SPATA13: variants seen among roughly 807,000 people sequenced by gnomAD.
The protein encoded by SPATA13 is spermatogenesis-associated protein 13.
Under a neutral mutation model 104.0 loss-of-function variants are expected in SPATA13, and 50 were observed. The ratio of observed to expected loss-of-function variants is 0.48; its 90% CI spans 0.38 to 0.61. The LOEUF (loss-of-function observed/expected upper bound fraction) is 0.61, where lower values mean the gene tolerates loss of function less well. SPATA13 is among the 20% of genes least tolerant of loss of function. SPATA13 has a pLI of 0.00. For synonymous variants in SPATA13, 606 were observed against 667.5 expected, an observed-to-expected ratio of 0.91 and a Z score of 1.42; for missense variants, 1,524 against 1,690.6, an observed-to-expected ratio of 0.90 and a Z score of 1.73.
chr13:24,037,064 G>A (rs1877709986), intron 3 of SPATA13, among the ~76,000 whole-genome samples: 1 of 151,884 alleles, frequency 6.6e-6, no homozygotes, highest in Non-Finnish European at 1.5e-5. Context: ...ATGAGCCATC[G>A]TGCCTGGCTG....
chr13:24,239,087 G>A (rs1872710264), intron 2 of SPATA13, among the ~76,000 whole-genome samples: 1 of 152,164 alleles, frequency 6.6e-6, no homozygotes, highest in Admixed American at 6.5e-5. Context: ...ATTAATAAAA[G>A]TATAGAAGCT....
intron 4 of SPATA13, chr13:24,270,725 T>A: frequency 6.5e-7 from 1 of 1,538,730 alleles, no homozygotes; most frequent in Non-Finnish European, 8.8e-7. Flanking sequence ...GCATACAACG[T>A]CAAAGCAGTG....
chr13:24,033,145 G>A (rs142788668), intron 3 of SPATA13, among the ~76,000 whole-genome samples: 119 of 152,300 alleles, frequency 7.8e-4, no homozygotes, highest in African/African-American at 2.8e-3. Context: ...GACCTGCAAG[G>A]TTTGAGTATC....
intron 3 of SPATA13, among the ~76,000 whole-genome samples, chr13:24,084,343 C>T (rs758711090): frequency 2.2e-4 from 33 of 152,122 alleles, no homozygotes; most frequent in Admixed American, 9.2e-4. Flanking sequence ...GAGCTGAGCC[C>T]GCGCATGATG....
At chr13:24,039,333 T>G (rs148447815) in intron 3 of SPATA13, among the ~76,000 whole-genome samples, 1 of 152,222 alleles carries the variant, frequency 6.6e-6, no homozygotes. Context: ...TTGCAGACTT[T>G]CGTGGCAGGA....
At chr13:24,136,379 G>C (rs1881567404) in intron 3 of SPATA13, among the ~76,000 whole-genome samples, 1 of 152,138 alleles carries the variant, frequency 6.6e-6, no homozygotes, top group Admixed American at 6.5e-5. Flanking sequence ...GGGAGGCTGG[G>C]GCAGGAGAAC....
In SPATA13 at chr13:24,290,747, T is replaced by G; in HGVS notation, c.2943T>G (p.His981Gln). Residue 981 changes from histidine to glutamine, a missense_variant, in exon 9 of 13, where the codon CAT becomes CAG. This residue lies in a region of SPATA13 where 435 missense variants were observed against 554.8 expected (regional missense o/e 0.78). Coordinates refer to ENST00000382108, the MANE Select transcript of SPATA13 (RefSeq NM_001166271.3). Reference sequence around the variant, plus strand: ...TCATGAAGCAGGGCAAGTACAGACATTTCTTTGAAGCCTGCCGCCTGCTGC... The same window carrying G: ...TCATGAAGCAGGGCAAGTACAGACAGTTCTTTGAAGCCTGCCGCCTGCTGC... ...ANLMKQGKYR[H>Q]FFEACRLLQQ... 3 of 1,614,188 alleles carry G rather than the reference T, an allele frequency of 1.9e-6. No individual in the cohort carries two copies. The highest frequency in any genetic ancestry group is 2.5e-6 in the Non-Finnish European group (3 of 1,180,030).
In SPATA13 at chr13:24,113,083, C is replaced by T. The variant is rs546935969; in HGVS notation, c.-112+95382C>T. On this transcript the variant is annotated intron_variant, in intron 3 of 14. Coordinates refer to the SPATA13 transcript ENST00000424834. Reference sequence around the variant, plus strand: ...CAAATGCTGTCACTGAGGGACTTCTCGGCTCTCTTTCCTAAAGTTTCCTGA... The same window carrying T: ...CAAATGCTGTCACTGAGGGACTTCTTGGCTCTCTTTCCTAAAGTTTCCTGA... Among the ~76,000 whole-genome samples, 12 of 152,320 alleles carry T rather than the reference C, an allele frequency of 7.9e-5. 1 individual carries two copies. Among genetic ancestry groups the T allele is most frequent in the Admixed American group, 4.6e-4 (7 of 15,290 alleles).
intron 1 of SPATA13, among the ~76,000 whole-genome samples, chr13:24,170,515 G>T (rs1882925910): frequency 6.6e-6 from 1 of 152,166 alleles, no homozygotes; most frequent in African/African-American, 2.4e-5. Context: ...AGCAAGAGGT[G>T]CTACTTTCTA....
At chr13:24,264,026 G>C (rs1201049150) in intron 4 of SPATA13, among the ~76,000 whole-genome samples, 1 of 152,176 alleles carries the variant, frequency 6.6e-6, no homozygotes, top group Non-Finnish European at 1.5e-5. Flanking sequence ...GATTGTATTA[G>C]CTCCATAGCA....
At chr13:24,055,277 A>G (rs1878499986) in intron 3 of SPATA13, among the ~76,000 whole-genome samples, 2 of 152,194 alleles carry the variant, frequency 1.3e-5, no homozygotes, top group South Asian at 4.1e-4. Flanking sequence ...TCAGTGTTAT[A>G]GATGTTATGT....
At chr13:24,049,954 C>A (rs1878283140) in intron 3 of SPATA13, among the ~76,000 whole-genome samples, 1 of 152,106 alleles carries the variant, frequency 6.6e-6, no homozygotes, top group South Asian at 2.1e-4. Context: ...CTCACTGCAC[C>A]CTCTGCCTCC....
At chr13:24,103,900 G>A (rs1308650609) in intron 3 of SPATA13, among the ~76,000 whole-genome samples, 1 of 152,134 alleles carries the variant, frequency 6.6e-6, no homozygotes, top group Non-Finnish European at 1.5e-5. Context: ...AAATCTTAAA[G>A]GGAGTGTCCT....
chr13:24,165,999 C>T (rs951950384), intron 1 of SPATA13, among the ~76,000 whole-genome samples: 24 of 152,350 alleles, frequency 1.6e-4, no homozygotes, highest in African/African-American at 5.3e-4. Flanking sequence ...ATGTGCTCCA[C>T]TTCCACCCTT....
intron 3 of SPATA13, among the ~76,000 whole-genome samples, chr13:24,135,677 G>A (rs181200513): frequency 1.6e-5 from 2 of 128,864 alleles, no homozygotes; most frequent in Middle Eastern, 5.2e-3. Flanking sequence ...CTGCCTGGGC[G>A]ACAGAGCAAG....
chr13:24,252,200 G>C (rs952064249), intron 4 of SPATA13, among the ~76,000 whole-genome samples: 7 of 152,148 alleles, frequency 4.6e-5, no homozygotes, highest in African/African-American at 7.2e-5. Context: ...TCTGAGGGCT[G>C]TGAGGGAGGG....
At position 24,223,885 on chromosome 13, in the gene SPATA13, G is replaced by A. The variant is rs907807098; in HGVS notation, c.956G>A (p.Arg319Lys). The A allele has an allele frequency of 1.5e-5, 23 of 1,551,684 alleles. No homozygotes were observed. The highest frequency in any genetic ancestry group is 1.9e-5 in the Non-Finnish European group (22 of 1,147,012). ...CCGATAAGGGCCAAGGACTTTGACA[G>A]AGTCTTCAAACTTGTGAGCAATGTG... ...RSPIRAKDFD[R>K]VFKLVSNVTE... Residue 319 changes from arginine (R) to lysine (K), a missense_variant, in exon 2 of 13, where the codon AGA (arginine) becomes AAA (lysine). Physicochemically the swap from Arg to Lys is conservative, Grantham distance 26. Transcript: ENST00000382108.
At chr13:24,210,882 A>G (rs1870977014) in intron 1 of SPATA13, among the ~76,000 whole-genome samples, 1 of 151,496 alleles carries the variant, frequency 6.6e-6, no homozygotes, top group Non-Finnish European at 1.5e-5. Flanking sequence ...TTTATAGGAT[A>G]TCTTTCCATT....
At chr13:24,025,070 A>G (rs1877150105) in intron 3 of SPATA13, among the ~76,000 whole-genome samples, 1 of 151,628 alleles carries the variant, frequency 6.6e-6, no homozygotes, top group Non-Finnish European at 1.5e-5. Flanking sequence ...TATTAAATCC[A>G]TGGTTGCACA....
Sources: allele counts gnomAD v4.1 joint callset (sites outside exome capture counted in the v4.1 genomes callset), GRCh38; gene constraint gnomAD v4.1.1; regional missense constraint gnomAD v4.1.1; transcripts MANE v1.5; gene names NCBI Gene and HGNC (gene_info 2026-07-23, HGNC 2026-07-21).